Variants in CALN1 observed in about 807,000 individuals in gnomAD.
The protein encoded by CALN1 is calcium-binding protein 8.
A neutral mutation model predicts 30.6 loss-of-function variants in CALN1; 17 were observed. That is an observed-to-expected ratio of 0.56 (90% CI 0.38 to 0.83). The LOEUF (loss-of-function observed/expected upper bound fraction) is 0.83, where lower values mean the gene tolerates loss of function less well. Ranked by LOEUF, CALN1 falls within the 40% of genes least tolerant of loss-of-function variation. The pLI is 0.00. For missense variants in CALN1, 291 were observed against 354.9 expected (o/e 0.82, Z 1.45); for synonymous variants, 156 against 131.4 (o/e 1.19, Z -1.28).
chr7:72,309,072 G>A (rs1206502222), intron 2 of CALN1, among the ~76,000 whole-genome samples: 1 of 152,126 alleles, frequency 6.6e-6, no homozygotes, highest in East Asian at 1.9e-4. Flanking sequence ...CAAAACTGCA[G>A]AGTTAGTAAG....
intron 3 of CALN1, among the ~76,000 whole-genome samples, chr7:72,158,363 G>A (rs940158560): frequency 2.0e-5 from 3 of 152,198 alleles, no homozygotes; most frequent in South Asian, 2.1e-4. Context: ...GGCCCTGGCC[G>A]TAGTCCAGGC....
chr7:72,416,278 G>T (rs571482350), upstream of CALN1, among the ~76,000 whole-genome samples: 3 of 152,276 alleles, frequency 2.0e-5, no homozygotes, highest in Non-Finnish European at 2.9e-5. Context: ...ATTAGAAGTG[G>T]GTATAAATAT....
At chr7:71,881,111 G>T (rs905682376) in intron 5 of CALN1, among the ~76,000 whole-genome samples, 1 of 152,184 alleles carries the variant, frequency 6.6e-6, no homozygotes. Flanking sequence ...CGTGCTGGAT[G>T]CTTCCTGCCC....
intron 2 of CALN1, among the ~76,000 whole-genome samples, chr7:72,329,976 CATAA>C (rs907021105): frequency 1.3e-5 from 2 of 150,530 alleles, no homozygotes; most frequent in Non-Finnish European, 1.5e-5. Context: ...AATATAAATA[CATAA>C]ATAAATAAAA....
chr7:71,874,218 T>C (rs2116759611), intron 5 of CALN1, among the ~76,000 whole-genome samples: 1 of 144,708 alleles, frequency 6.9e-6, no homozygotes, highest in Non-Finnish European at 1.5e-5. Flanking sequence ...GAGGTTGCAG[T>C]GAGCTGAGAT....
intron 5 of CALN1, among the ~76,000 whole-genome samples, chr7:71,938,720 G>A (rs1220519202): frequency 3.3e-5 from 5 of 152,132 alleles, no homozygotes; most frequent in Non-Finnish European, 5.9e-5. Context: ...ACTTGAAACT[G>A]GAAGGCAGAG....
chr7:72,294,077 G>A (rs748931734), intron 2 of CALN1, among the ~76,000 whole-genome samples: 16 of 151,970 alleles, frequency 1.1e-4, no homozygotes, highest in Non-Finnish European at 1.3e-4. Flanking sequence ...CAGCCTGGGC[G>A]ACAGAGCATA....
At chr7:71,840,601 T>C (rs1205631779) in intron 5 of CALN1, among the ~76,000 whole-genome samples, 1 of 151,772 alleles carries the variant, frequency 6.6e-6, no homozygotes, top group Non-Finnish European at 1.5e-5. Flanking sequence ...TCTCTTTAGA[T>C]ATTAAATTCG....
chr7:72,066,738 A>C (rs1804047361), intron 4 of CALN1, among the ~76,000 whole-genome samples: 1 of 151,482 alleles, frequency 6.6e-6, no homozygotes, highest in South Asian at 2.1e-4. Flanking sequence ...TCAGCCTCTG[A>C]GTAGCTGAGA....
chr7:72,268,492 G>A (rs1488764914), intron 3 of CALN1, among the ~76,000 whole-genome samples: 1 of 152,082 alleles, frequency 6.6e-6, no homozygotes, highest in Non-Finnish European at 1.5e-5. Flanking sequence ...ACTAATTCAG[G>A]GAAACAAAAT....
At chr7:72,064,687 C>G (rs986879620) in intron 4 of CALN1, among the ~76,000 whole-genome samples, 2 of 152,166 alleles carry the variant, frequency 1.3e-5, no homozygotes, top group African/African-American at 4.8e-5. Context: ...TGCAAGACTC[C>G]TAGCCTTCCA....
At chr7:71,839,191 A>G (rs564697117) in intron 5 of CALN1, among the ~76,000 whole-genome samples, 1 of 152,248 alleles carries the variant, frequency 6.6e-6, no homozygotes, top group Admixed American at 6.5e-5. Flanking sequence ...AGGTATTGTC[A>G]TGTCTAGATG....
At chr7:72,478,564 T>A in the CALN1 span, among the ~76,000 whole-genome samples, 2 of 151,382 alleles carry the variant, frequency 1.3e-5, no homozygotes, top group Non-Finnish European at 2.9e-5. Flanking sequence ...GCCACAAACA[T>A]CCCAGTCTTC....
At chr7:72,053,871 C>G (rs191559901) in intron 4 of CALN1, among the ~76,000 whole-genome samples, 1 of 148,778 alleles carries the variant, frequency 6.7e-6, no homozygotes, top group Non-Finnish European at 1.5e-5. Context: ...TCTTACGTAT[C>G]GGTGAGAACA....
chr7:71,986,609 T>C (rs1025063853), intron 5 of CALN1, among the ~76,000 whole-genome samples: 3 of 152,034 alleles, frequency 2.0e-5, no homozygotes, highest in Non-Finnish European at 4.4e-5. Context: ...AAAAATGTGG[T>C]TAGAAAAGAT....
chr7:72,155,950 C>G (rs1236886836), intron 3 of CALN1, among the ~76,000 whole-genome samples: 1 of 152,134 alleles, frequency 6.6e-6, no homozygotes, highest in Non-Finnish European at 1.5e-5. Flanking sequence ...TAATCTCCTG[C>G]CTCACTCTTA....
At chr7:72,330,655 G>A (rs899265980) in intron 2 of CALN1, among the ~76,000 whole-genome samples, 1 of 152,194 alleles carries the variant, frequency 6.6e-6, no homozygotes, top group Non-Finnish European at 1.5e-5. Context: ...CTGAACCAGA[G>A]ATGCTCAATA....
intron 2 of CALN1, among the ~76,000 whole-genome samples, chr7:72,327,213 G>A (rs1017951932): frequency 8.5e-5 from 13 of 152,236 alleles, no homozygotes; most frequent in Non-Finnish European, 1.5e-4. Context: ...CTTGATTGAG[G>A]CTGGGTGCAG....
At chr7:72,072,084 GAA>G (rs920410394) in intron 4 of CALN1, among the ~76,000 whole-genome samples, 5 of 152,140 alleles carry the variant, frequency 3.3e-5, no homozygotes, top group Non-Finnish European at 5.9e-5. Context: ...CTGAGAAAGA[GAA>G]AAGGGTAGGG....
Sources: allele counts gnomAD v4.1 joint callset (sites outside exome capture counted in the v4.1 genomes callset), GRCh38; gene constraint gnomAD v4.1.1; transcripts MANE v1.5; gene names NCBI Gene and HGNC (gene_info 2026-07-23, HGNC 2026-07-21).